Variants in ARHGAP17 observed in about 807,000 individuals in gnomAD.
ARHGAP17 encodes the protein Rho GTPase activating protein 17.
ARHGAP17 carries 57 observed loss-of-function variants against 99.5 expected under a neutral mutation model. The ratio of observed to expected loss-of-function variants is 0.57; its 90% confidence interval spans 0.46 to 0.71. The LOEUF (loss-of-function observed/expected upper bound fraction) is 0.71, where lower values mean the gene tolerates loss of function less well. Ranked by LOEUF, ARHGAP17 falls within the 30% of genes least tolerant of loss-of-function variation. The pLI, the probability that ARHGAP17 is intolerant of heterozygous loss-of-function variation, is 0.00. For missense variants in ARHGAP17, 1,000 were observed against 1,122.4 expected (o/e 0.89, Z 1.56); for synonymous variants, 417 against 429.6 (o/e 0.97, Z 0.36).
Position 24,952,300 on chromosome 16 carries a change from T to A in ARHGAP17, c.1035A>T (p.Thr345=). The A allele has an allele frequency of 1.2e-6, 2 of 1,611,796 alleles. No homozygotes were observed. The highest frequency in any genetic ancestry group is 1.7e-6 in the Non-Finnish European group (2 of 1,178,976). Residue 345 remains threonine, a synonymous_variant, in exon 12 of 20, where the codon ACA becomes ACT. Coordinates refer to ENST00000289968, the MANE Select transcript of ARHGAP17 (RefSeq NM_001006634.3). ...LMTFNLYEEW[T]QVASVQDQDK... ...TTCTTTAAACTTACCTTGCAACTTG[T>A]GTCCATTCTTCATACAGATTAAAAG... is the stretch of plus-strand genomic sequence containing the variant.
chr16:24,989,686 C>T (rs1274105135), intron 1 of ARHGAP17, among the ~76,000 whole-genome samples: 1 of 152,138 alleles, frequency 6.6e-6, no homozygotes, highest in African/African-American at 2.4e-5. Flanking sequence ...GATGGTTACA[C>T]AACTCTGTAA....
At chr16:24,927,229 C>A (rs190658849) in intron 19 of ARHGAP17, among the ~76,000 whole-genome samples, 1 of 152,198 alleles carries the variant, frequency 6.6e-6, no homozygotes, top group Non-Finnish European at 1.5e-5. Context: ...CGAGATTGCG[C>A]GTATATTAAG....
chr16:24,997,465 A>G (rs566492967), intron 1 of ARHGAP17, among the ~76,000 whole-genome samples: 1 of 152,350 alleles, frequency 6.6e-6, no homozygotes, highest in African/African-American at 2.4e-5. Context: ...CGCATTCTCT[A>G]TCATTATCAC....
rs753777944 is a variant in ARHGAP17 at position 24,941,965 on chromosome 16, G to A, written c.1490+22C>T. The stretch of plus-strand genomic sequence containing the variant: ...TAACAACATATTTACTGCTGGTTTG[G>A]AAGTGAACGGTCAAATCATACCTTT... On this transcript the variant is annotated intron_variant, in intron 16 of 19. Transcript: ENST00000289968. The A allele has an allele frequency of 5.6e-6, 9 of 1,613,584 alleles. No individual in the cohort carries two copies. In the African/African-American group the frequency reaches 9.3e-5, roughly 17 times the overall value.
At chr16:24,923,727 TA>T (rs1160793042) in intron 19 of ARHGAP17, among the ~76,000 whole-genome samples, 93,523 of 119,960 alleles carry the variant, frequency 0.78, 36,492 homozygotes, top group Non-Finnish European at 0.83. Flanking sequence ...CTCTTTTTTT[TA>T]AAAAAAAAAA....
Position 24,977,283 on chromosome 16 carries a change from G to T in ARHGAP17, c.130C>A (p.His44Asn). The change falls in exon 3 of 20, where the codon CAC (histidine) becomes AAC (asparagine). Residue 44 changes from histidine (H) to asparagine (N), a missense_variant. His to Asn is a moderately conservative substitution (Grantham distance 68, BLOSUM62 1). Transcript: ENST00000289968. ...RRLDTVRSIC[H>N]HSHKRLVACF... ...GCCACCAAGCGCTTATGGGAATGGTGGCATATTGACCGCACCGTGTCCAGG... is the reference window on the plus strand; with the variant it reads ...GCCACCAAGCGCTTATGGGAATGGTTGCATATTGACCGCACCGTGTCCAGG... 6.3e-7 allele frequency: 1 copy of T among 1,596,876 alleles called. No homozygotes were observed. Among genetic ancestry groups the T allele is most frequent in the Non-Finnish European group, 8.6e-7 (1 of 1,168,386 alleles).
intron 1 of ARHGAP17, among the ~76,000 whole-genome samples, chr16:24,989,987 T>C (rs2052988898): frequency 6.6e-6 from 1 of 152,230 alleles, no homozygotes. Flanking sequence ...ACTTAGTGTG[T>C]ATTTTCAAAA....
intron 17 of ARHGAP17, 62 bp from the exon 18 acceptor site, chr16:24,935,701 T>C (rs112798761): frequency 3.9e-6 from 6 of 1,534,634 alleles, no homozygotes; most frequent in African/African-American, 2.7e-5. Context: ...CTGAACATAC[T>C]GCACATAAAA....
intron 15 of ARHGAP17, 120 bp downstream of exon 15, chr16:24,943,651 T>C: frequency 1.2e-6 from 1 of 820,822 alleles, no homozygotes; most frequent in Admixed American, 2.5e-5. Context: ...GAAAGAAACA[T>C]GAAAAAGTGA....
intron 10 of ARHGAP17, among the ~76,000 whole-genome samples, chr16:24,953,571 C>T (rs12920550): frequency 0.15 from 22,636 of 152,140 alleles, 2,159 homozygotes; most frequent in Middle Eastern, 0.3. Context: ...TGTTCCACCA[C>T]GTGAACACTG....
intron 3 of ARHGAP17, among the ~76,000 whole-genome samples, chr16:24,974,249 G>A (rs532343239): frequency 6.6e-6 from 1 of 152,254 alleles, no homozygotes; most frequent in South Asian, 2.1e-4. Flanking sequence ...TGGTCAACAT[G>A]GTGAAATCCT....
chr16:24,959,923 T>C lies in ARHGAP17; in HGVS notation c.630A>G (p.Lys210=). ...NFMAKEGEYG[K]FFVTLLEAQA... ...GGAAGGTGCTTACCGTAACAAAGAATTTGCCATACTCCCCTTCTTTGGCCA... is the reference window on the plus strand; with the variant it reads ...GGAAGGTGCTTACCGTAACAAAGAACTTGCCATACTCCCCTTCTTTGGCCA... Residue 210 remains lysine, a synonymous_variant, in exon 8 of 20, where the codon AAA becomes AAG. Transcript: ENST00000289968. 1 of 1,614,128 alleles carries C rather than the reference T, an allele frequency of 6.2e-7. No individual in the cohort carries two copies. Among genetic ancestry groups the C allele is most frequent in the Non-Finnish European group, 8.5e-7 (1 of 1,180,000 alleles).
intron 15 of ARHGAP17, among the ~76,000 whole-genome samples, chr16:24,943,319 A>T (rs2141195790): frequency 6.6e-6 from 1 of 152,330 alleles, no homozygotes. Context: ...CCCTCTTCCA[A>T]GTGAAAAACT....
chr16:24,982,988 ATATATATATTTTTTTTTTT>A, intron 1 of ARHGAP17, among the ~76,000 whole-genome samples: 1 of 31,892 alleles, frequency 3.1e-5, no homozygotes, highest in Non-Finnish European at 5.5e-5. Context: ...ATATATATAT[ATATATATATTTTTTTTTTT>A]TTTTTTTTTT....
intron 3 of ARHGAP17, among the ~76,000 whole-genome samples, chr16:24,970,905 T>C (rs1476374145): frequency 6.6e-6 from 1 of 152,234 alleles, no homozygotes; most frequent in Non-Finnish European, 1.5e-5. Flanking sequence ...GGACAGGGTC[T>C]GAGTCTGTCA....
chr16:24,961,937 T>TATATATATATA (rs2052018950), intron 7 of ARHGAP17, among the ~76,000 whole-genome samples: 1 of 112,614 alleles, frequency 8.9e-6, no homozygotes, highest in African/African-American at 4.8e-5. Context: ...ATATGAAAAC[T>TATATATATATA]TATATGCCGG....
rs555343660 is a variant in ARHGAP17, at chr16:24,972,403, G to A, written c.199-1823C>T. 4.6e-5 allele frequency among the ~76,000 whole-genome samples: 7 copies of A among 152,136 alleles called. No individual in the cohort carries two copies. The South Asian group carries it at 1.5e-3, about 32-fold the overall frequency. ...ATTATTGATTTTTAAATTTTTTGTA[G>A]AGACAAGGTCTCACTATGTTGCCCA... On this transcript the variant is annotated intron_variant, in intron 3 of 19. Transcript: ENST00000289968.
chr16:24,986,110 T>C (rs2052861816), intron 1 of ARHGAP17, among the ~76,000 whole-genome samples: 1 of 152,232 alleles, frequency 6.6e-6, no homozygotes, highest in Admixed American at 6.5e-5. Flanking sequence ...CCTCCAAGGC[T>C]GTAGGGATCT....
intron 6 of ARHGAP17, among the ~76,000 whole-genome samples, chr16:24,967,778 CAAAAAAAA>C (rs940394750): frequency 5.2e-4 from 31 of 59,442 alleles, no homozygotes; most frequent in African/African-American, 1.7e-3. Flanking sequence ...GACCTTGACT[CAAAAAAAA>C]AAAAAAAAAA....
Sources: allele counts gnomAD v4.1 joint callset (sites outside exome capture counted in the v4.1 genomes callset), GRCh38; gene constraint gnomAD v4.1.1; transcripts MANE v1.5; gene names NCBI Gene and HGNC (gene_info 2026-07-23, HGNC 2026-07-21).